Variants in ARMC2 observed in about 807,000 individuals in gnomAD.
ARMC2 encodes the protein armadillo repeat-containing protein 2.
ARMC2 carries 67 observed loss-of-function variants against 90.3 expected under a neutral mutation model. The ratio of observed to expected loss-of-function variants is 0.74; its 90% CI spans 0.61 to 0.91. The LOEUF is 0.91. Among genes scored for constraint, ARMC2 ranks in the 40% least tolerant of loss-of-function variants. ARMC2 has a pLI of 0.00. For synonymous variants in ARMC2, 393 were observed against 393.0 expected (o/e 1.00, Z 0.00); for missense variants, 920 against 1,030.9 (o/e 0.89, Z 1.47).
the ARMC2 span, chr6:108,990,731 ATAAG>A: frequency 2.5e-6 from 4 of 1,614,014 alleles, no homozygotes; most frequent in African/African-American, 2.7e-5. Context: ...CCATTGTATT[ATAAG>A]TAAGATTGTA....
At chr6:108,882,708 G>C (rs140729671) in intron 5 of ARMC2, among the ~76,000 whole-genome samples, 109 of 152,290 alleles carry the variant, frequency 7.2e-4, no homozygotes, top group Non-Finnish European at 1.3e-3. Flanking sequence ...AGATAGATAT[G>C]GAAGAATGAA....
chr6:109,009,489 G>T, the ARMC2 span: 35 of 1,235,212 alleles, frequency 2.8e-5, 1 homozygote, highest in African/African-American at 5.2e-4. Context: ...GCGGACGCGC[G>T]GAGGCGGCGA....
At chr6:109,050,613 T>C in the ARMC2 span, among the ~76,000 whole-genome samples, 1 of 152,108 alleles carries the variant, frequency 6.6e-6, no homozygotes, top group Non-Finnish European at 1.5e-5. Flanking sequence ...AAATAACCTA[T>C]CTATACAAAT....
the ARMC2 span, chr6:109,001,317 G>GTCACTAT: frequency 6.2e-7 from 1 of 1,613,722 alleles, no homozygotes; most frequent in Non-Finnish European, 8.5e-7. Context: ...CGATAATGTA[G>GTCACTAT]GGGTAACGGC....
At chr6:108,928,557 C>T (rs1003462908) in intron 11 of ARMC2, among the ~76,000 whole-genome samples, 1 of 152,096 alleles carries the variant, frequency 6.6e-6, no homozygotes, top group African/African-American at 2.4e-5. Flanking sequence ...ACACAGCAAA[C>T]CTTCCAGTTT....
chr6:108,926,538 A>G (rs1190903881), intron 10 of ARMC2, among the ~76,000 whole-genome samples: 2 of 152,170 alleles, frequency 1.3e-5, no homozygotes, highest in Admixed American at 6.5e-5. Context: ...CAGCCTGGCC[A>G]ACATGGCGAA....
the ARMC2 span, among the ~76,000 whole-genome samples, chr6:109,015,635 T>C: frequency 6.6e-6 from 1 of 152,110 alleles, no homozygotes; most frequent in Admixed American, 6.5e-5. Context: ...AAGGAATGGG[T>C]TTAATTTGGA....
chr6:108,917,666 G>A (rs1774108493), intron 10 of ARMC2, among the ~76,000 whole-genome samples: 1 of 151,706 alleles, frequency 6.6e-6, no homozygotes, highest in Non-Finnish European at 1.5e-5. Context: ...ATATTTTTTT[G>A]AGATAGAGTC....
chr6:108,885,563 A>G (rs987565866), intron 5 of ARMC2, among the ~76,000 whole-genome samples: 14 of 151,976 alleles, frequency 9.2e-5, no homozygotes, highest in African/African-American at 2.9e-4. Context: ...AGTCCCGGCT[A>G]CTTGGGAGGC....
the ARMC2 span, among the ~76,000 whole-genome samples, chr6:109,040,836 T>C: frequency 2.0e-5 from 3 of 151,926 alleles, no homozygotes; most frequent in African/African-American, 7.3e-5. Flanking sequence ...GTATTTTTAG[T>C]AGAGACGGGG....
the ARMC2 span, among the ~76,000 whole-genome samples, chr6:109,013,690 C>G: frequency 5.8e-4 from 89 of 152,200 alleles, no homozygotes; most frequent in African/African-American, 2.0e-3. Flanking sequence ...AGAAAACATA[C>G]AGTAATGGTT....
intron 12 of ARMC2, among the ~76,000 whole-genome samples, chr6:108,947,114 C>G (rs546998863): frequency 6.6e-6 from 1 of 152,226 alleles, no homozygotes; most frequent in East Asian, 1.9e-4. Flanking sequence ...CCTCTGACAA[C>G]AGTCTACAGG....
At chr6:108,879,324 A>G (rs1352048789) in intron 5 of ARMC2, among the ~76,000 whole-genome samples, 1 of 140,598 alleles carries the variant, frequency 7.1e-6, no homozygotes, top group African/African-American at 2.7e-5. Context: ...ACCCATCCAT[A>G]TATCTACCCA....
intron 8 of ARMC2, chr6:108,907,475 T>TAAA: frequency 1.9e-4 from 96 of 500,680 alleles, no homozygotes; most frequent in Middle Eastern, 1.6e-3. Context: ...TTTTTTTTTT[T>TAAA]TTACCAGTCA....
At chr6:108,970,839 A>T (rs142145217) in intron 17 of ARMC2, among the ~76,000 whole-genome samples, 1 of 152,206 alleles carries the variant, frequency 6.6e-6, no homozygotes, top group East Asian at 1.9e-4. Context: ...ATACAACAGA[A>T]TTTTATTTTT....
At chr6:108,990,882 A>G in the ARMC2 span, 6 of 1,515,376 alleles carry the variant, frequency 4.0e-6, no homozygotes, top group South Asian at 1.1e-5. Context: ...GGTCAAGTAC[A>G]GTTCTATATC....
chr6:108,860,004 TAAA>T (rs140061937), intron 3 of ARMC2, among the ~76,000 whole-genome samples: 17 of 135,778 alleles, frequency 1.3e-4, no homozygotes, highest in Admixed American at 1.5e-4. Flanking sequence ...AACTCTGTCT[TAAA>T]AAAAAAAAAA....
chr6:108,875,930 A>G (rs1029912656), intron 4 of ARMC2, among the ~76,000 whole-genome samples: 3 of 152,202 alleles, frequency 2.0e-5, no homozygotes, highest in African/African-American at 4.8e-5. Flanking sequence ...ATAAGATTCT[A>G]TACATTTTTA....
At chr6:109,009,213 G>T in the ARMC2 span, 1 of 837,296 alleles carries the variant, frequency 1.2e-6, no homozygotes, top group Non-Finnish European at 1.6e-6. Flanking sequence ...CTCCCCGGGA[G>T]CCCGCCCTAT....
Sources: gnomAD v4.1 joint callset for allele counts (sites outside exome capture counted in the v4.1 genomes callset) on GRCh38, gnomAD v4.1.1 for gene constraint, MANE v1.5 for transcripts, NCBI Gene and HGNC (gene_info 2026-07-23, HGNC 2026-07-21) for gene names.